The following ZHX3 variants were observed in gnomAD, a reference collection of about 807,000 sequenced individuals.
ZHX3 encodes zinc fingers and homeoboxes 3, also known as zinc fingers and homeoboxes protein 3.
A neutral mutation model predicts 64.5 loss-of-function variants in ZHX3; 20 were observed. The observed-to-expected ratio is 0.31, with a 90% CI of 0.22 to 0.45. The LOEUF (loss-of-function observed/expected upper bound fraction) is 0.45, where lower values mean the gene tolerates loss of function less well. Ranked by LOEUF, ZHX3 falls within the 20% of genes least tolerant of loss-of-function variation. The probability of loss-of-function intolerance (pLI) is 1.00; values close to 1 mark genes in which losing one functional copy is unlikely to be tolerated. For synonymous variants in ZHX3, 423 were observed against 461.6 expected, an observed-to-expected ratio of 0.92 and a Z score of 1.07; for missense variants, 1,041 against 1,195.8, an observed-to-expected ratio of 0.87 and a Z score of 1.91.
intron 3 of ZHX3, among the ~76,000 whole-genome samples, chr20:41,199,172 C>A (rs1186295352): frequency 1.3e-5 from 2 of 152,090 alleles, no homozygotes; most frequent in Non-Finnish European, 2.9e-5. Context: ...TCCTTTAGCT[C>A]GCTGAACATA....
In ZHX3 at chr20:41,202,913, A is replaced by T. The variant is rs1418961983; in HGVS notation, c.2004T>A (p.Asn668Lys). ...CCTCAGCCTTCTTGGTCTCCTCAGCATTCACTTTTTTCCGTCTCTCTGAAA... is the reference window on the plus strand; with the variant it reads ...CCTCAGCCTTCTTGGTCTCCTCAGCTTTCACTTTTTTCCGTCTCTCTGAAA... ...SWFSERRKKV[N>K]AEETKKAEEN... The change falls in exon 3 of 4, where the codon AAT becomes AAA. Residue 668 changes from asparagine to lysine, a missense_variant. This residue lies in a region of ZHX3 where 649 missense variants were observed against 739.8 expected (regional missense o/e 0.88). Transcript: ENST00000683867. The surrounding 1 kb of genome is among the most constrained non-coding windows in gnomAD (Gnocchi z 7.0). 6.2e-7 allele frequency: 1 copy of T among 1,613,956 alleles called. No individual in the cohort carries two copies. Among genetic ancestry groups the T allele is most frequent in the Admixed American group, 1.7e-5 (1 of 60,000 alleles).
intron 2 of ZHX3, among the ~76,000 whole-genome samples, chr20:41,220,408 T>C (rs1390196466): frequency 1.3e-5 from 2 of 152,264 alleles, no homozygotes; most frequent in Non-Finnish European, 2.9e-5. Context: ...CAAATCTGAA[T>C]GTGGTAGATT....
chr20:41,227,607 G>A (rs907842183), intron 2 of ZHX3, among the ~76,000 whole-genome samples: 3 of 152,156 alleles, frequency 2.0e-5, no homozygotes, highest in Non-Finnish European at 2.9e-5. Flanking sequence ...GACTTCAGGA[G>A]CCTAAATCAG....
chr20:41,243,358 T>C (rs946615955), intron 2 of ZHX3, among the ~76,000 whole-genome samples: 3 of 152,202 alleles, frequency 2.0e-5, no homozygotes, highest in Non-Finnish European at 4.4e-5. Context: ...AACAGTTCCA[T>C]TCTTCCCCAT....
intron 2 of ZHX3, among the ~76,000 whole-genome samples, chr20:41,262,589 C>T (rs2042617044): frequency 6.6e-6 from 1 of 152,220 alleles, no homozygotes. Context: ...TGACACATCA[C>T]ATCTTTTGCC....
rs781560304 is a variant in ZHX3 at position 41,203,213 on chromosome 20, AATG to A, written c.1701_1703del (p.Ile568del). ...AGAAGGACACCTCTGGCACAGAGTC[AATG>A]ATGATGGAACTGTGATCTCCAGGTA... On this transcript the variant is annotated inframe_deletion, in exon 3 of 4. Transcript: ENST00000683867. The surrounding 1 kb of genome is among the most constrained non-coding windows in gnomAD (Gnocchi z 7.1). The A allele has an allele frequency of 6.2e-7, 1 of 1,614,132 alleles. No individual in the cohort carries two copies. Among genetic ancestry groups the A allele is most frequent in the Non-Finnish European group, 8.5e-7 (1 of 1,180,022 alleles).
chr20:41,259,219 T>C (rs2042431282), intron 2 of ZHX3, among the ~76,000 whole-genome samples: 1 of 152,166 alleles, frequency 6.6e-6, no homozygotes, highest in South Asian at 2.1e-4. Context: ...TTCTTTCTTT[T>C]TGGGAGGCCA....
Position 41,201,226 on chromosome 20 carries a change from G to T in ZHX3, c.2860+831C>A. The T allele has an allele frequency of 8.5e-7, 1 of 1,170,916 alleles. No individual in the cohort carries two copies. Among genetic ancestry groups the T allele is most frequent in the Non-Finnish European group, 1.1e-6 (1 of 898,428 alleles). 72.5% of individuals were successfully genotyped at this position (1,170,916 alleles called of 1,614,324 possible). The stretch of plus-strand genomic sequence containing the variant: ...CATTGCCAACTCAGCTAGCAATGCT[G>T]CCATTTTGGAACCCCCAATCCCTTC... On this transcript the variant is annotated intron_variant, in intron 3 of 3. Transcript: ENST00000683867. This position sits in a 1 kb window ranked among gnomAD's most constrained non-coding sequence, Gnocchi z 5.0.
chr20:41,228,962 T>C lies in ZHX3; in HGVS notation c.-150-23896A>G, dbSNP rs1444862343. Among the ~76,000 whole-genome samples the C allele has an allele frequency of 1.3e-5, 2 of 152,174 alleles. No homozygotes were observed. Among genetic ancestry groups the C allele is most frequent in the Non-Finnish European group, 2.9e-5 (2 of 68,038 alleles). On this transcript the variant is annotated intron_variant, in intron 2 of 3. Coordinates refer to ENST00000683867, the MANE Select transcript of ZHX3 (RefSeq NM_001384317.1). This position sits in a 1 kb window ranked among gnomAD's most constrained non-coding sequence, Gnocchi z 4.6. ...TTTTTAGGTGGAGAGTTCAGTAGCA[T>C]TAAGTATTAACACAGTCACATTGTT...
chr20:41,197,516 G>A (rs988559610), intron 3 of ZHX3, among the ~76,000 whole-genome samples: 1 of 151,138 alleles, frequency 6.6e-6, no homozygotes, highest in Admixed American at 6.6e-5. Context: ...TTTTCTAGGT[G>A]TATCTTTTTC....
chr20:41,289,227 C>T (rs1038648112), intron 1 of ZHX3, among the ~76,000 whole-genome samples: 3 of 152,010 alleles, frequency 2.0e-5, no homozygotes, highest in African/African-American at 7.3e-5. Flanking sequence ...GTCTCAACTC[C>T]TGGGCTCAAG....
At chr20:41,238,302 T>G (rs546677600) in intron 2 of ZHX3, among the ~76,000 whole-genome samples, 2 of 152,238 alleles carry the variant, frequency 1.3e-5, no homozygotes, top group South Asian at 2.1e-4. Context: ...TAATTAGAAT[T>G]TATATCTCAA....
intron 1 of ZHX3, among the ~76,000 whole-genome samples, chr20:41,304,522 T>C (rs1203076349): frequency 6.6e-6 from 1 of 152,222 alleles, no homozygotes; most frequent in Non-Finnish European, 1.5e-5. Flanking sequence ...GCATTTATTA[T>C]TGTCTCAGTA....
chr20:41,245,916 C>T lies in ZHX3; in HGVS notation c.-151+23074G>A, dbSNP rs548511770. Among the ~76,000 whole-genome samples the T allele has an allele frequency of 7.9e-4, 121 of 152,334 alleles. 2 individuals carry two copies. The highest frequency in any genetic ancestry group is 2.9e-3 in the African/African-American group (119 of 41,572). On this transcript the variant is annotated intron_variant, in intron 2 of 3. Coordinates refer to ENST00000683867, the MANE Select transcript of ZHX3 (RefSeq NM_001384317.1). ...AAGGAAAGGGTGAAAATGTGAGATG[C>T]TGAAGAGACAGCTTGCAACATTCCA...
At chr20:41,267,791 A>C (rs2042935512) in intron 2 of ZHX3, among the ~76,000 whole-genome samples, 1 of 152,234 alleles carries the variant, frequency 6.6e-6, no homozygotes, top group African/African-American at 2.4e-5. Context: ...GGGAACAAGA[A>C]CAATGGCTCC....
At chr20:41,239,409 C>A (rs2041236995) in intron 2 of ZHX3, among the ~76,000 whole-genome samples, 1 of 152,180 alleles carries the variant, frequency 6.6e-6, no homozygotes, top group South Asian at 2.1e-4. Flanking sequence ...AGCTTCATGT[C>A]CCAAACATCC....
At chr20:41,197,373 T>C (rs890838059) in intron 3 of ZHX3, among the ~76,000 whole-genome samples, 9 of 147,126 alleles carry the variant, frequency 6.1e-5, no homozygotes, top group African/African-American at 1.2e-4. Context: ...ATTTTATATA[T>C]AATTGTATAT....
intron 1 of ZHX3, among the ~76,000 whole-genome samples, chr20:41,316,436 T>C (rs1156419841): frequency 6.6e-6 from 1 of 152,224 alleles, no homozygotes; most frequent in Non-Finnish European, 1.5e-5. Flanking sequence ...CATTTTCTCT[T>C]AGTTTTGAAA....
chr20:41,309,745 C>T (rs1243691941), intron 1 of ZHX3, among the ~76,000 whole-genome samples: 8 of 152,132 alleles, frequency 5.3e-5, no homozygotes, highest in African/African-American at 1.4e-4. Flanking sequence ...GAAGATTCGG[C>T]CCACTTTCCT....
Sources: allele counts gnomAD v4.1 joint callset (sites outside exome capture counted in the v4.1 genomes callset), GRCh38; gene constraint gnomAD v4.1.1; regional missense constraint gnomAD v4.1.1; non-coding constraint Gnocchi (gnomAD v3.1); transcripts MANE v1.5; gene names NCBI Gene and HGNC (gene_info 2026-07-23, HGNC 2026-07-21).